PRIM2: variants seen among roughly 807,000 people sequenced by gnomAD.
PRIM2 encodes DNA primase large subunit.
PRIM2 carries 39 observed loss-of-function variants against 67.3 expected under a neutral mutation model. The ratio of observed to expected loss-of-function variants is 0.58; its 90% CI spans 0.45 to 0.76. The LOEUF (loss-of-function observed/expected upper bound fraction) is 0.76. Ranked by LOEUF, PRIM2 falls within the 30% of genes least tolerant of loss-of-function variation. The pLI is 0.00. For missense variants in PRIM2, 398 were observed against 598.7 expected, an observed-to-expected ratio of 0.66 and a Z score of 3.50; for synonymous variants, 143 against 198.7, an observed-to-expected ratio of 0.72 and a Z score of 2.36.
At chr6:57,645,698 A>C (rs1777322836) in intron 13 of PRIM2, among the ~76,000 whole-genome samples, 2 of 152,012 alleles carry the variant, frequency 1.3e-5, no homozygotes, top group South Asian at 4.2e-4. Context: ...GGAGCCAAAC[A>C]CAGAGGCTCA....
At chr6:57,542,905 A>G (rs2127472178) in intron 10 of PRIM2, among the ~76,000 whole-genome samples, 1 of 145,996 alleles carries the variant, frequency 6.8e-6, no homozygotes, top group South Asian at 2.1e-4. Flanking sequence ...CTTAAGAGGT[A>G]TAAAAATTGT....
intron 8 of PRIM2, among the ~76,000 whole-genome samples, chr6:57,509,712 C>G (rs1554347528): frequency 6.6e-6 from 1 of 151,814 alleles, no homozygotes; most frequent in Non-Finnish European, 1.5e-5. Context: ...TCACTCACCC[C>G]TACGGCCTTA....
chr6:57,532,411 T>C lies in PRIM2; in HGVS notation c.762T>C (p.Ser254=), dbSNP rs1234532038. The part of the protein sequence containing the change: ...ERLQPLLNHL[S]HSYTGQDYST... ...AATATTTTTTTTTCTTTTTTTAAAG[T>C]CATTCCTACACTGGCCAAGATTACA... The change falls in exon 9 of 14, where the codon AGT becomes AGC. Residue 254 remains serine (S), a splice_region_variant and synonymous_variant. Transcript: ENST00000615550. 229,287 of 1,307,246 alleles carry C rather than the reference T, an allele frequency of 0.18. 22,526 individuals carry two copies. The highest frequency in any genetic ancestry group is 0.35 in the East Asian group (13,006 of 36,764). The allele number at this position is 1,307,246 out of a possible 1,614,324, so 81.0% of individuals were successfully genotyped here. A position where few individuals can be genotyped will look rare whatever the true frequency, so the allele number is the denominator to read the frequency against.
intron 7 of PRIM2, among the ~76,000 whole-genome samples, chr6:57,415,725 T>A (rs1201067200): frequency 1.3e-5 from 2 of 152,232 alleles, no homozygotes; most frequent in African/African-American, 2.4e-5. Flanking sequence ...TAATCTAACT[T>A]CTTTGTTGTC....
the PRIM2 span, among the ~76,000 whole-genome samples, chr6:57,274,984 A>G: frequency 6.9e-6 from 1 of 145,238 alleles, no homozygotes; most frequent in African/African-American, 2.7e-5. Context: ...ACGGGGTTTC[A>G]CCACGCTAGC....
chr6:57,456,997 C>T (rs1423572804), intron 7 of PRIM2, among the ~76,000 whole-genome samples: 1 of 152,170 alleles, frequency 6.6e-6, no homozygotes, highest in East Asian at 1.9e-4. Context: ...TGTTAGTTTT[C>T]CTTCTAACAG....
the PRIM2 span, among the ~76,000 whole-genome samples, chr6:57,293,294 T>C: frequency 6.6e-6 from 1 of 152,294 alleles, no homozygotes; most frequent in Middle Eastern, 3.4e-3. Context: ...AGATACCATC[T>C]CACGCCTGTT....
chr6:57,294,831 A>G, the PRIM2 span, among the ~76,000 whole-genome samples: 3 of 149,098 alleles, frequency 2.0e-5, no homozygotes, highest in Admixed American at 2.0e-4. Flanking sequence ...TTTTTTTGAG[A>G]CACAGTCTCA....
At chr6:57,566,812 T>C (rs1281061638) in intron 10 of PRIM2, among the ~76,000 whole-genome samples, 1 of 152,204 alleles carries the variant, frequency 6.6e-6, no homozygotes, top group African/African-American at 2.4e-5. Flanking sequence ...AAACTACAGA[T>C]GTAGTTTTCA....
chr6:57,575,775 TTTTG>T (rs1413445504), intron 10 of PRIM2, among the ~76,000 whole-genome samples: 59 of 152,246 alleles, frequency 3.9e-4, no homozygotes, highest in Non-Finnish European at 6.3e-4. Context: ...AATTGTCTGT[TTTTG>T]TTTGTTTGTT....
At chr6:57,559,996 A>G (rs1308884553) in intron 10 of PRIM2, among the ~76,000 whole-genome samples, 1 of 152,152 alleles carries the variant, frequency 6.6e-6, no homozygotes, top group Non-Finnish European at 1.5e-5. Context: ...TAAGACAGCC[A>G]TGAAGTTTGC....
At chr6:57,524,518 A>AT (rs1774701035) in intron 8 of PRIM2, among the ~76,000 whole-genome samples, 1 of 152,152 alleles carries the variant, frequency 6.6e-6, no homozygotes. Flanking sequence ...CCTGACCAAC[A>AT]TGGAGAAATC....
chr6:57,296,671 A>G, the PRIM2 span, among the ~76,000 whole-genome samples: 1 of 151,904 alleles, frequency 6.6e-6, no homozygotes, highest in African/African-American at 2.4e-5. Flanking sequence ...GTGTCTGTGC[A>G]TACTTAGGAT....
chr6:57,634,683 T>C (rs1777091007), intron 13 of PRIM2, among the ~76,000 whole-genome samples: 2 of 152,276 alleles, frequency 1.3e-5, no homozygotes, highest in African/African-American at 4.8e-5. Flanking sequence ...AAACATTGAG[T>C]TTGTGGCATA....
chr6:57,538,043 T>C, intron 10 of PRIM2, among the ~76,000 whole-genome samples: 1 of 151,898 alleles, frequency 6.6e-6, no homozygotes. Flanking sequence ...CAGGGTCTTC[T>C]TCTGTTGCCC....
chr6:57,482,158 A>AT lies in PRIM2; in HGVS notation c.694-25214dup, dbSNP rs1178449432. Among the ~76,000 whole-genome samples, 725 of 145,874 alleles carry AT rather than the reference A, an allele frequency of 5.0e-3. 1 individual carries two copies. Among genetic ancestry groups the AT allele is most frequent in the Middle Eastern group, 0.015 (4 of 270 alleles). ...GATATTGTTGACAAAAATAATTTGG[A>AT]TTTTTTTTTTTTTTTGTAATTTAGG... On this transcript the variant is annotated intron_variant, in intron 7 of 13. Coordinates refer to ENST00000615550, the MANE Select transcript of PRIM2 (RefSeq NM_000947.5).
chr6:57,479,825 T>C (rs1298105761), intron 7 of PRIM2, among the ~76,000 whole-genome samples: 3 of 152,222 alleles, frequency 2.0e-5, no homozygotes, highest in Non-Finnish European at 4.4e-5. Flanking sequence ...CCAGCTAATA[T>C]ATATTGCAAG....
chr6:57,272,586 C>A, the PRIM2 span, among the ~76,000 whole-genome samples: 1 of 152,152 alleles, frequency 6.6e-6, no homozygotes, highest in Non-Finnish European at 1.5e-5. Flanking sequence ...ATCCAATTTG[C>A]CAGTCTGTGT....
chr6:57,620,602 A>G (rs1776834556), intron 12 of PRIM2, among the ~76,000 whole-genome samples: 1 of 152,248 alleles, frequency 6.6e-6, no homozygotes, highest in South Asian at 2.1e-4. Context: ...ACTCATCAAA[A>G]CAGAATATCT....
Sources: allele counts gnomAD v4.1 joint callset (sites outside exome capture counted in the v4.1 genomes callset), GRCh38; gene constraint gnomAD v4.1.1; transcripts MANE v1.5; gene names NCBI Gene and HGNC (gene_info 2026-07-23, HGNC 2026-07-21).